Variants in NEDD4L observed in about 807,000 individuals in gnomAD.
NEDD4L encodes the protein E3 ubiquitin-protein ligase NEDD4-like.
NEDD4L carries 54 observed loss-of-function variants against 148.9 expected under a neutral mutation model. The ratio of observed to expected loss-of-function variants is 0.36; its 90% CI spans 0.29 to 0.45. NEDD4L has a LOEUF of 0.45. Among genes scored for constraint, NEDD4L ranks in the 20% least tolerant of loss-of-function variants. The pLI, the probability that NEDD4L is intolerant of heterozygous loss-of-function variation, is 1.00. For synonymous variants in NEDD4L, 433 were observed against 440.7 expected, an observed-to-expected ratio of 0.98 and a Z score of 0.22; for missense variants, 856 against 1,233.8, an observed-to-expected ratio of 0.69 and a Z score of 4.59.
At chr18:58,144,742 T>C (rs2033923319) in intron 1 of NEDD4L, among the ~76,000 whole-genome samples, 1 of 152,002 alleles carries the variant, frequency 6.6e-6, no homozygotes, top group Admixed American at 6.5e-5. Flanking sequence ...TACCGCACAG[T>C]TCATGTTTTA....
intron 2 of NEDD4L, among the ~76,000 whole-genome samples, chr18:58,215,600 T>C (rs2043082515): frequency 1.3e-5 from 2 of 152,206 alleles, no homozygotes; most frequent in Admixed American, 1.3e-4. Context: ...GTGTCTTTTC[T>C]TTGTTGACTT....
chr18:58,157,386 T>C (rs1197858895), intron 1 of NEDD4L, among the ~76,000 whole-genome samples: 2 of 152,264 alleles, frequency 1.3e-5, no homozygotes, highest in East Asian at 3.9e-4. Context: ...AAACAGTTCT[T>C]ATCCCCAGAG....
At chr18:58,183,114 C>T (rs1294249595) in intron 2 of NEDD4L, among the ~76,000 whole-genome samples, 1 of 152,162 alleles carries the variant, frequency 6.6e-6, no homozygotes, top group East Asian at 1.9e-4. Context: ...GCAGACACAC[C>T]GGACAGCAGT....
Position 58,325,059 on chromosome 18 carries a change from C to A in NEDD4L, c.577C>A (p.Pro193Thr). Reference protein sequence around the residue: ...ASQHQEELPPPPLPPGWEEKV... With the variant: ...ASQHQEELPPTPLPPGWEEKV... The stretch of plus-strand genomic sequence containing the variant: ...TCAGCACCAAGAGGAACTTCCTCCT[C>A]CTCCTCTGCCTCCCGGGTGGGAAGA... The change falls in exon 9 of 31, where the codon CCT (proline) becomes ACT (threonine). Residue 193 changes from proline (P) to threonine (T), a missense_variant. By Grantham distance (38) the Pro-to-Thr change is conservative. Around this residue, in one of 4 missense-constraint regions of NEDD4L, gnomAD observed 193 missense variants for 244.2 expected, o/e 0.79. Transcript: ENST00000400345. 1 of 1,614,018 alleles carries A rather than the reference C, an allele frequency of 6.2e-7. No homozygotes were observed. Among genetic ancestry groups the A allele is most frequent in the Non-Finnish European group, 8.5e-7 (1 of 1,179,880 alleles).
chr18:58,378,624 G>A (rs1439130594), intron 24 of NEDD4L, among the ~76,000 whole-genome samples: 1 of 152,206 alleles, frequency 6.6e-6, no homozygotes, highest in Non-Finnish European at 1.5e-5. Flanking sequence ...TGGGGAGGAT[G>A]AGGAAGGCCT....
At chr18:58,268,941 A>G (rs2050630877) in intron 5 of NEDD4L, among the ~76,000 whole-genome samples, 1 of 151,964 alleles carries the variant, frequency 6.6e-6, no homozygotes, top group South Asian at 2.1e-4. Flanking sequence ...GGGTGATGAC[A>G]AGGTATGGCC....
chr18:58,082,085 T>TACACAC (rs1415069836), intron 1 of NEDD4L, among the ~76,000 whole-genome samples: 2 of 90,906 alleles, frequency 2.2e-5, no homozygotes, highest in African/African-American at 1.2e-4. Context: ...GATGAATATA[T>TACACAC]ATATATATAT....
rs2046189051 is a variant in NEDD4L at position 58,366,956 on chromosome 18, G to T, written c.2063+728G>T. On this transcript the variant is annotated intron_variant, in intron 21 of 30. Transcript: ENST00000400345. This position sits in a 1 kb window ranked among gnomAD's most constrained non-coding sequence, Gnocchi z 4.2. ...CTCCTGGGGGCTCATTTGGAAGGCC[G>T]CCTCAGTACATTCTTCCTGGTTGCT... 6.6e-6 allele frequency among the ~76,000 whole-genome samples: 1 copy of T among 152,238 alleles called. No individual in the cohort carries two copies. The highest frequency in any genetic ancestry group is 1.5e-5 in the Non-Finnish European group (1 of 68,042).
intron 28 of NEDD4L, chr18:58,390,022 CA>C (rs1188061604): frequency 1.3e-5 from 2 of 152,070 alleles, no homozygotes; most frequent in African/African-American, 4.8e-5. Flanking sequence ...AGCAGGAATA[CA>C]GAGATAAAAA....
At chr18:58,172,420 A>G (rs1457830113) in intron 2 of NEDD4L, among the ~76,000 whole-genome samples, 1 of 152,136 alleles carries the variant, frequency 6.6e-6, no homozygotes, top group African/African-American at 2.4e-5. Context: ...GGGGGTAAGG[A>G]AGGAGGGTAG....
chr18:58,326,296 C>T (rs1401479991), intron 9 of NEDD4L, among the ~76,000 whole-genome samples: 2 of 152,106 alleles, frequency 1.3e-5, no homozygotes, highest in African/African-American at 4.8e-5. Flanking sequence ...GTCAGCTGTT[C>T]GTGATCAGCT....
chr18:58,149,548 G>A (rs112590120), intron 1 of NEDD4L: 13 of 1,548,632 alleles, frequency 8.4e-6, no homozygotes, highest in Middle Eastern at 1.7e-4. Flanking sequence ...GAGACGTCTC[G>A]CATTTGAGCA....
intron 16 of NEDD4L, among the ~76,000 whole-genome samples, chr18:58,344,709 T>C (rs1423680146): frequency 2.3e-5 from 3 of 131,142 alleles, no homozygotes; most frequent in Non-Finnish European, 5.0e-5. Flanking sequence ...GAAAATATAG[T>C]AATGGAGTTC....
intron 1 of NEDD4L, among the ~76,000 whole-genome samples, chr18:58,053,465 C>T (rs964993685): frequency 7.2e-5 from 11 of 152,106 alleles, no homozygotes; most frequent in African/African-American, 2.4e-4. Context: ...CCCACCACCA[C>T]GCCCGGCTAA....
chr18:58,348,996 C>T (rs1418520896), intron 16 of NEDD4L, among the ~76,000 whole-genome samples: 2 of 152,140 alleles, frequency 1.3e-5, no homozygotes, highest in Non-Finnish European at 2.9e-5. Flanking sequence ...CTGATGAAAG[C>T]GACTCTCCCT....
chr18:58,366,688 A>G lies in NEDD4L; in HGVS notation c.2063+460A>G, dbSNP rs1422625617. 1 of 153,136 alleles carries G rather than the reference A, an allele frequency of 6.5e-6. No individual in the cohort carries two copies. Among genetic ancestry groups the G allele is most frequent in the East Asian group, 1.9e-4 (1 of 5,228 alleles). 9.5% of individuals were successfully genotyped at this position (153,136 alleles called of 1,614,324 possible). A position where few individuals can be genotyped will look rare whatever the true frequency, so the allele number is the denominator to read the frequency against. ...AGGAAAGAACCAGGTTTCCCCTTGC[A>G]TTAGGATTTCATCATTGCCAGGCTT... On this transcript the variant is annotated intron_variant, in intron 21 of 30. Transcript: ENST00000400345. The surrounding 1 kb of genome is among the most constrained non-coding windows in gnomAD (Gnocchi z 4.2).
intron 2 of NEDD4L, among the ~76,000 whole-genome samples, chr18:58,237,719 G>A (rs995179422): frequency 1.3e-5 from 2 of 152,140 alleles, no homozygotes; most frequent in Admixed American, 6.5e-5. Context: ...CAGCTCTGAT[G>A]ATCTCTATGT....
rs549919049 is a variant in NEDD4L at position 58,276,488 on chromosome 18, C to T, written c.297+24434C>T. Among the ~76,000 whole-genome samples the T allele has an allele frequency of 3.9e-5, 6 of 152,096 alleles. No individual in the cohort carries two copies. In the East Asian group the frequency reaches 7.7e-4, roughly 20 times the overall value. On this transcript the variant is annotated intron_variant, in intron 5 of 30. Coordinates refer to ENST00000400345, the MANE Select transcript of NEDD4L (RefSeq NM_001144967.3). ...CCTTTCAAAGTGCTGGAATTACAGG[C>T]GTGAGCCACCGTGCCCAGCCCTAGT...
Position 58,365,936 on chromosome 18 carries a change from T to A in NEDD4L, c.1834-63T>A, listed in dbSNP as rs142359064. The A allele has an allele frequency of 1.4e-4, 170 of 1,196,356 alleles. No individual in the cohort carries two copies. In the African/African-American group the frequency reaches 2.4e-3, roughly 17 times the overall value. 74.1% of individuals were successfully genotyped at this position (1,196,356 alleles called of 1,614,324 possible). ...ACTTTTCTACCATTTGCTGTTGTTT[T>A]TATTAGAAAACAAAGTGTGTATTTA... On this transcript the variant is annotated intron_variant, in intron 20 of 30. Coordinates refer to ENST00000400345, the MANE Select transcript of NEDD4L (RefSeq NM_001144967.3).
Sources: gnomAD v4.1 joint callset for allele counts (sites outside exome capture counted in the v4.1 genomes callset) on GRCh38, gnomAD v4.1.1 for gene constraint, gnomAD v4.1.1 regional missense constraint, Gnocchi (gnomAD v3.1) non-coding constraint, MANE v1.5 for transcripts, NCBI Gene and HGNC (gene_info 2026-07-23, HGNC 2026-07-21) for gene names.